CLMN: variants seen among roughly 807,000 people sequenced by gnomAD.
The protein encoded by CLMN is calmin (calponin-like, transmembrane).
In CLMN, 57 loss-of-function variants were observed where a neutral mutation model predicts 92.7. The observed-to-expected ratio is 0.61, with a 90% CI of 0.50 to 0.77. CLMN has a LOEUF of 0.77. Among genes scored for constraint, CLMN ranks in the 30% least tolerant of loss-of-function variants. The pLI, the probability that CLMN is intolerant of heterozygous loss-of-function variation, is 0.00. For synonymous variants in CLMN, 466 were observed against 470.6 expected (o/e 0.99, Z 0.13); for missense variants, 1,158 against 1,237.5 (o/e 0.94, Z 0.96).
intron 1 of CLMN, among the ~76,000 whole-genome samples, chr14:95,242,263 T>C (rs1446884243): frequency 7.3e-6 from 1 of 136,502 alleles, no homozygotes; most frequent in Non-Finnish European, 1.6e-5. Flanking sequence ...TTTTTTTTTT[T>C]TTTTTTTTTT....
intron 1 of CLMN, among the ~76,000 whole-genome samples, chr14:95,314,265 C>T (rs1901665739): frequency 6.6e-6 from 1 of 152,330 alleles, no homozygotes; most frequent in South Asian, 2.1e-4. Flanking sequence ...CAAGAATGTA[C>T]ATCATTTACC....
At position 95,213,363 on chromosome 14, in the gene CLMN, C is replaced by A; in HGVS notation, c.464G>T (p.Ser155Ile). ...GNLSRNSPSS[S>I]LSPGSGGTDS... ...TGTGCCCCCTGAGCCAGGGGACAAG[C>A]TGGAAGATGGAGAGTTTCTGCTGAG... Residue 155 changes from serine to isoleucine, a missense_variant, in exon 6 of 13, where the codon AGC (serine) becomes ATC (isoleucine). By Grantham distance (142) the Ser-to-Ile change is moderately radical. Transcript: ENST00000298912. 1 of 1,612,838 alleles carries A rather than the reference C, an allele frequency of 6.2e-7. No individual in the cohort carries two copies. Among genetic ancestry groups the A allele is most frequent in the Non-Finnish European group, 8.5e-7 (1 of 1,179,584 alleles).
At chr14:95,214,161 A>G (rs925717809) in intron 5 of CLMN, among the ~76,000 whole-genome samples, 5 of 151,974 alleles carry the variant, frequency 3.3e-5, no homozygotes, top group Non-Finnish European at 7.4e-5. Context: ...TTTTACTTTC[A>G]GCACCTGGCA....
At position 95,181,997 on chromosome 14, in the gene CLMN, ATCAT is replaced by A. The variant is rs1186253258; in HGVS notation, c.*9563_*9566del. The A allele has an allele frequency of 6.6e-6, 1 of 152,216 alleles. No homozygotes were observed. The highest frequency in any genetic ancestry group is 2.4e-5 in the African/African-American group (1 of 41,448). The allele number at this position is 152,216 out of a possible 1,614,324, so 9.4% of individuals were successfully genotyped here. A position where few individuals can be genotyped will look rare whatever the true frequency, so the allele number is the denominator to read the frequency against. ...TTAAGAATACACATGATTTTACAAG[ATCAT>A]TCATCATAGCACCAAGCCTAATATT... On this transcript the variant is annotated 3_prime_UTR_variant, in exon 13 of 13. Coordinates refer to ENST00000298912, the MANE Select transcript of CLMN (RefSeq NM_024734.4).
chr14:95,198,196 C>T (rs1896778924), intron 9 of CLMN, among the ~76,000 whole-genome samples: 1 of 151,394 alleles, frequency 6.6e-6, no homozygotes, highest in Non-Finnish European at 1.5e-5. Context: ...ATTACAGGCA[C>T]CTGCCACCAC....
At chr14:95,215,146 CA>C (rs1256020096) in intron 5 of CLMN, among the ~76,000 whole-genome samples, 19 of 152,158 alleles carry the variant, frequency 1.2e-4, no homozygotes. Flanking sequence ...CTTCTTATTC[CA>C]ATCACAGATC....
chr14:95,253,351 G>T (rs1317308766), intron 1 of CLMN, among the ~76,000 whole-genome samples: 1 of 152,238 alleles, frequency 6.6e-6, no homozygotes, highest in Non-Finnish European at 1.5e-5. Flanking sequence ...CAAGAGCACA[G>T]GGTTCCGCTC....
At chr14:95,213,491 A>T in intron 5 of CLMN, 82 bp from the exon 6 acceptor site, 1 of 1,349,268 alleles carries the variant, frequency 7.4e-7, no homozygotes, top group Non-Finnish European at 1.0e-6. Context: ...GGCCATATGG[A>T]CCATGGCTGG....
chr14:95,227,070 T>C (rs1006344597), intron 2 of CLMN, among the ~76,000 whole-genome samples: 3 of 152,066 alleles, frequency 2.0e-5, no homozygotes, highest in Non-Finnish European at 4.4e-5. Flanking sequence ...ACAGGATTAA[T>C]GGGGCATGGA....
intron 1 of CLMN, among the ~76,000 whole-genome samples, chr14:95,231,217 T>TGG (rs1897877107): frequency 1.4e-5 from 2 of 145,942 alleles, no homozygotes; most frequent in Admixed American, 6.8e-5. Flanking sequence ...TTTTTTTTGA[T>TGG]ACAGAGTCTA....
intron 1 of CLMN, among the ~76,000 whole-genome samples, chr14:95,297,392 C>T (rs913436260): frequency 1.3e-5 from 2 of 152,182 alleles, no homozygotes; most frequent in African/African-American, 4.8e-5. Flanking sequence ...ACATTTCAGC[C>T]TTTCCTGTGT....
chr14:95,296,777 T>A (rs1342228678), intron 1 of CLMN, among the ~76,000 whole-genome samples: 1 of 152,230 alleles, frequency 6.6e-6, no homozygotes, highest in Non-Finnish European at 1.5e-5. Flanking sequence ...AACCTGCAGA[T>A]AATCTGATGC....
At chr14:95,212,797 T>C (rs1476547083) in intron 6 of CLMN, among the ~76,000 whole-genome samples, 1 of 151,596 alleles carries the variant, frequency 6.6e-6, no homozygotes, top group East Asian at 1.9e-4. Context: ...TTTTTTTTTT[T>C]TTTTTTGAGA....
chr14:95,197,492 C>G (rs1218943237), intron 9 of CLMN, among the ~76,000 whole-genome samples: 1 of 152,102 alleles, frequency 6.6e-6, no homozygotes, highest in Non-Finnish European at 1.5e-5. Context: ...TCCAATTAAA[C>G]AAAAGAATAA....
intron 1 of CLMN, among the ~76,000 whole-genome samples, chr14:95,285,565 T>C (rs1272745414): frequency 1.3e-5 from 2 of 152,072 alleles, no homozygotes; most frequent in Non-Finnish European, 2.9e-5. Context: ...ACTGGGTAAA[T>C]TGTAGAACAT....
At chr14:95,193,174 C>A in intron 12 of CLMN, 2 of 585,812 alleles carry the variant, frequency 3.4e-6, no homozygotes, top group South Asian at 2.2e-5. Context: ...AATAAAGCAA[C>A]TCTATGACTT....
chr14:95,310,627 C>T (rs948033272), intron 1 of CLMN, among the ~76,000 whole-genome samples: 4 of 152,186 alleles, frequency 2.6e-5, no homozygotes, highest in Non-Finnish European at 5.9e-5. Context: ...GACAAAGATT[C>T]GTGCACCTCA....
At chr14:95,233,325 C>CCA (rs1897947735) in intron 1 of CLMN, among the ~76,000 whole-genome samples, 2 of 151,570 alleles carry the variant, frequency 1.3e-5, no homozygotes, top group African/African-American at 4.9e-5. Flanking sequence ...TCCATCATCC[C>CCA]TCCATCCACC....
rs747318709 is a variant in CLMN at position 95,202,994 on chromosome 14, C to A, written c.2355G>T (p.Val785=). 3 of 1,614,102 alleles carry A rather than the reference C, an allele frequency of 1.9e-6. No homozygotes were observed. In the East Asian group the frequency reaches 6.7e-5, roughly 36 times the overall value. Residue 785 remains valine (V), a synonymous_variant, in exon 9 of 13, where the codon GTG becomes GTT. Transcript: ENST00000298912. ...DGSQSSSSSS[V]PGESLPSASD... ...TGGCACTGGGGAGGCTCTCTCCTGG[C>A]ACCGAGGAACTGGAGCTGCTCTGAG...
Sources: gnomAD v4.1 joint callset for allele counts (sites outside exome capture counted in the v4.1 genomes callset) on GRCh38, gnomAD v4.1.1 for gene constraint, MANE v1.5 for transcripts, NCBI Gene and HGNC (gene_info 2026-07-23, HGNC 2026-07-21) for gene names.